KCNIP1: variants seen among roughly 807,000 people sequenced by gnomAD.
KCNIP1 encodes the protein A-type potassium channel modulatory protein KCNIP1.
KCNIP1 carries 18 observed loss-of-function variants against 33.0 expected under a neutral mutation model. The observed-to-expected ratio is 0.55, with a 90% CI of 0.38 to 0.81. The LOEUF (loss-of-function observed/expected upper bound fraction) is 0.81, where lower values mean the gene tolerates loss of function less well. Ranked by LOEUF, KCNIP1 falls within the 30% of genes least tolerant of loss-of-function variation. The pLI is 0.00. For missense variants in KCNIP1, 238 were observed against 271.6 expected (o/e 0.88, Z 0.87); for synonymous variants, 93 against 98.3 (o/e 0.95, Z 0.32).
intron 1 of KCNIP1, among the ~76,000 whole-genome samples, chr5:170,401,657 G>A (rs1469309971): frequency 6.6e-6 from 1 of 151,972 alleles, no homozygotes; most frequent in Non-Finnish European, 1.5e-5. Flanking sequence ...AGCTACTTGA[G>A]AGGCTGAGGT....
intron 1 of KCNIP1, among the ~76,000 whole-genome samples, chr5:170,683,457 G>T (rs756994420): frequency 6.6e-6 from 1 of 152,106 alleles, no homozygotes; most frequent in African/African-American, 2.4e-5. Context: ...GTTCCAGATG[G>T]GATCTGCAGT....
chr5:170,720,039 C>G (rs986890161), intron 2 of KCNIP1, among the ~76,000 whole-genome samples: 2 of 152,162 alleles, frequency 1.3e-5, no homozygotes, highest in African/African-American at 4.8e-5. Context: ...CTGGCTTGGC[C>G]AAAGTCACAA....
At chr5:170,446,803 C>G (rs1756127341) in intron 1 of KCNIP1, among the ~76,000 whole-genome samples, 1 of 152,106 alleles carries the variant, frequency 6.6e-6, no homozygotes, top group Non-Finnish European at 1.5e-5. Context: ...GCCACATGTC[C>G]AAATCTCCAT....
intron 1 of KCNIP1, among the ~76,000 whole-genome samples, chr5:170,536,748 TA>T (rs1755999886): frequency 6.6e-6 from 1 of 152,106 alleles, no homozygotes; most frequent in Non-Finnish European, 1.5e-5. Flanking sequence ...GCACCGGAGT[TA>T]AAAATGACCT....
intron 1 of KCNIP1, among the ~76,000 whole-genome samples, chr5:170,597,400 C>G (rs927557802): frequency 1.3e-5 from 2 of 152,278 alleles, no homozygotes; most frequent in South Asian, 4.1e-4. Flanking sequence ...CTTCACTGAG[C>G]CTTATTTCCT....
chr5:170,415,790 C>T (rs1315299615), intron 1 of KCNIP1, among the ~76,000 whole-genome samples: 1 of 152,154 alleles, frequency 6.6e-6, no homozygotes, highest in Non-Finnish European at 1.5e-5. Flanking sequence ...GTCCCTGGCA[C>T]TCAATAGGTT....
intron 1 of KCNIP1, among the ~76,000 whole-genome samples, chr5:170,679,813 A>T (rs1257217847): frequency 6.6e-6 from 1 of 151,060 alleles, no homozygotes; most frequent in African/African-American, 2.4e-5. Context: ...CTCACATGGT[A>T]CTCCTTTTAT....
Position 170,504,341 on chromosome 5 carries a change from C to A in KCNIP1, c.-232C>A. ...CGGGTCCTCGCGCGGGGAAGCGGTTCCGAAGGCTCGCGGGGAGCGGCTAGC... is the reference window on the plus strand; with the variant it reads ...CGGGTCCTCGCGCGGGGAAGCGGTTACGAAGGCTCGCGGGGAGCGGCTAGC... On this transcript the variant is annotated 5_prime_UTR_variant, in exon 1 of 8. Coordinates refer to ENST00000328939, the MANE Select transcript of KCNIP1 (RefSeq NM_014592.4). This position sits in a 1 kb window ranked among gnomAD's most constrained non-coding sequence, Gnocchi z 6.0. 7.2e-7 allele frequency: 1 copy of A among 1,390,470 alleles called. No individual in the cohort carries two copies. Among genetic ancestry groups the A allele is most frequent in the South Asian group, 1.6e-5 (1 of 60,960 alleles). 86.1% of individuals were successfully genotyped at this position (1,390,470 alleles called of 1,614,324 possible).
intron 1 of KCNIP1, among the ~76,000 whole-genome samples, chr5:170,358,345 C>T (rs1402836835): frequency 6.6e-6 from 1 of 152,168 alleles, no homozygotes; most frequent in African/African-American, 2.4e-5. Flanking sequence ...TCCCCTCCCG[C>T]CCAGGCCCAG....
At chr5:170,391,921 T>A (rs1422476848) in intron 1 of KCNIP1, among the ~76,000 whole-genome samples, 1 of 152,208 alleles carries the variant, frequency 6.6e-6, no homozygotes, top group African/African-American at 2.4e-5. Flanking sequence ...ATGTGCCCTT[T>A]TCACAGTGTG....
intron 1 of KCNIP1, among the ~76,000 whole-genome samples, chr5:170,682,695 A>G (rs1244905146): frequency 1.3e-5 from 2 of 151,964 alleles, no homozygotes; most frequent in Non-Finnish European, 2.9e-5. Context: ...CCAGATTTCA[A>G]GAGAACATGT....
At chr5:170,378,937 T>C (rs1561593278) in intron 1 of KCNIP1, 1 of 1,614,080 alleles carries the variant, frequency 6.2e-7, no homozygotes, top group South Asian at 1.1e-5. Flanking sequence ...GCCCGGGCCG[T>C]CTGGTAATTG....
intron 1 of KCNIP1, among the ~76,000 whole-genome samples, chr5:170,568,960 A>G (rs1376171546): frequency 6.6e-6 from 1 of 152,164 alleles, no homozygotes. Flanking sequence ...AATGGATGAC[A>G]TATTGTCACC....
intron 1 of KCNIP1, among the ~76,000 whole-genome samples, chr5:170,474,162 C>T (rs532135232): frequency 9.2e-5 from 14 of 152,280 alleles, no homozygotes; most frequent in African/African-American, 2.9e-4. Flanking sequence ...CAATCTGTAT[C>T]AGGAAGAGGG....
intron 1 of KCNIP1, among the ~76,000 whole-genome samples, chr5:170,497,098 G>A (rs1295376835): frequency 1.3e-5 from 2 of 152,156 alleles, no homozygotes; most frequent in Non-Finnish European, 2.9e-5. Flanking sequence ...ATCAACCTCT[G>A]CAGAGAGCCC....
At chr5:170,494,025 A>G (rs1459780526) in intron 1 of KCNIP1, among the ~76,000 whole-genome samples, 1 of 152,174 alleles carries the variant, frequency 6.6e-6, no homozygotes, top group Admixed American at 6.5e-5. Context: ...GGGAGCCCAT[A>G]CATCACAGAC....
intron 1 of KCNIP1, among the ~76,000 whole-genome samples, chr5:170,620,568 C>T (rs1156606855): frequency 6.6e-6 from 1 of 152,194 alleles, no homozygotes; most frequent in African/African-American, 2.4e-5. Flanking sequence ...ATGCCAAAGT[C>T]CTGCTCAAAC....
chr5:170,589,728 G>GTGTGGTGTGGTGTGA (rs1243655562), intron 1 of KCNIP1, among the ~76,000 whole-genome samples: 1 of 70,646 alleles, frequency 1.4e-5, no homozygotes, highest in Non-Finnish European at 2.7e-5. Context: ...GTGTGATGTG[G>GTGTGGTGTGGTGTGA]TGTGGTGTGG....
intron 1 of KCNIP1, among the ~76,000 whole-genome samples, chr5:170,610,788 T>C (rs537971913): frequency 2.0e-5 from 3 of 152,368 alleles, no homozygotes; most frequent in Admixed American, 6.5e-5. Flanking sequence ...GATTATGAAC[T>C]GCTAGAGTGT....
Sources: allele counts gnomAD v4.1 joint callset (sites outside exome capture counted in the v4.1 genomes callset), GRCh38; gene constraint gnomAD v4.1.1; non-coding constraint Gnocchi (gnomAD v3.1); transcripts MANE v1.5; gene names NCBI Gene and HGNC (gene_info 2026-07-23, HGNC 2026-07-21).